VEPH1: variants seen among roughly 807,000 people sequenced by gnomAD.
VEPH1 encodes ventricular zone expressed PH domain containing 1.
Under a neutral mutation model 85.2 loss-of-function variants are expected in VEPH1, and 80 were observed. The observed-to-expected ratio is 0.94, with a 90% confidence interval of 0.78 to 1.13. The LOEUF (loss-of-function observed/expected upper bound fraction) is 1.13. VEPH1 is among the 50% of genes most tolerant of loss of function. The pLI, the probability that VEPH1 is intolerant of heterozygous loss-of-function variation, is 0.00. For synonymous variants in VEPH1, 297 were observed against 348.0 expected (o/e 0.85, Z 1.63); for missense variants, 955 against 980.5 (o/e 0.97, Z 0.35).
intron 2 of VEPH1, among the ~76,000 whole-genome samples, chr3:157,473,158 C>T (rs111981515): frequency 0.15 from 21,897 of 148,574 alleles, 2,084 homozygotes; most frequent in African/African-American, 0.25. Context: ...CTGCCACTTC[C>T]GCCTCTGGGG....
intron 1 of VEPH1, among the ~76,000 whole-genome samples, chr3:157,501,400 T>G (rs1002923610): frequency 2.6e-5 from 4 of 152,234 alleles, no homozygotes; most frequent in Non-Finnish European, 5.9e-5. Flanking sequence ...ACAATGTATC[T>G]CAAACTTTTT....
chr3:157,272,368 C>CTCTTTCTTTCTTTTCTTTCTTTCTTTCTT (rs1207336052), intron 12 of VEPH1, among the ~76,000 whole-genome samples: 2 of 119,918 alleles, frequency 1.7e-5, no homozygotes, highest in South Asian at 3.0e-4. Context: ...TTCTTTCTTT[C>CTCTTTCTTTCTTTTCTTTCTTTCTTTCTT]TCTTTCTTTT....
intron 9 of VEPH1, among the ~76,000 whole-genome samples, chr3:157,363,034 C>A (rs1250722294): frequency 6.6e-6 from 1 of 151,986 alleles, no homozygotes; most frequent in African/African-American, 2.4e-5. Context: ...AACCCCTACC[C>A]CAGAGCCGGC....
At chr3:157,377,231 G>C (rs746695757) in intron 7 of VEPH1, among the ~76,000 whole-genome samples, 1 of 151,830 alleles carries the variant, frequency 6.6e-6, no homozygotes, top group Non-Finnish European at 1.5e-5. Context: ...GGCAGTCGTG[G>C]TAGGAGGTGA....
chr3:157,297,911 A>G (rs1221485741), intron 11 of VEPH1, among the ~76,000 whole-genome samples: 3 of 152,182 alleles, frequency 2.0e-5, no homozygotes, highest in Non-Finnish European at 4.4e-5. Context: ...AAAAAGGTGC[A>G]ATGAAGTGTG....
At chr3:157,443,566 A>G (rs1253194443) in intron 4 of VEPH1, 2 of 152,664 alleles carry the variant, frequency 1.3e-5, no homozygotes, top group Non-Finnish European at 2.9e-5. Context: ...GCTCTACTGT[A>G]AATAAAATAT....
chr3:157,377,188 T>C (rs1728221072), intron 7 of VEPH1, among the ~76,000 whole-genome samples: 1 of 152,136 alleles, frequency 6.6e-6, no homozygotes, highest in East Asian at 1.9e-4. Flanking sequence ...AGAGAAGTAT[T>C]TTCAATTGAG....
At chr3:157,383,790 C>A (rs891200639) in intron 6 of VEPH1, among the ~76,000 whole-genome samples, 1 of 152,152 alleles carries the variant, frequency 6.6e-6, no homozygotes, top group Non-Finnish European at 1.5e-5. Context: ...AAATAAAAGA[C>A]CCCTGGAATA....
At chr3:157,373,745 C>G (rs78813517) in intron 7 of VEPH1, among the ~76,000 whole-genome samples, 1,650 of 152,294 alleles carry the variant, frequency 0.011, 33 homozygotes, top group East Asian at 0.043. Flanking sequence ...GGGAAGCCAG[C>G]GCATGGGTGC....
rs748940660 is a variant in VEPH1 at position 157,437,681 on chromosome 3, C to A, written c.530-9193G>T. 6 of 1,534,630 alleles carry A rather than the reference C, an allele frequency of 3.9e-6. No individual in the cohort carries two copies. The East Asian group carries it at 1.2e-4, about 31-fold the overall frequency. On this transcript the variant is annotated intron_variant, in intron 4 of 13. Transcript: ENST00000362010. Reference sequence around the variant, plus strand: ...CTGGGCCGGCTCGCGGAAAGCCTGGCGAGGCCGTGCGCGCCGGGGGCTCCC... The same window carrying A: ...CTGGGCCGGCTCGCGGAAAGCCTGGAGAGGCCGTGCGCGCCGGGGGCTCCC...
At chr3:157,321,875 TG>T in intron 9 of VEPH1, among the ~76,000 whole-genome samples, 1 of 152,302 alleles carries the variant, frequency 6.6e-6, no homozygotes, top group African/African-American at 2.4e-5. Flanking sequence ...GTGAGCTCCA[TG>T]AGGGTAATGA....
At chr3:157,323,843 A>C (rs1577340605) in intron 9 of VEPH1, among the ~76,000 whole-genome samples, 1 of 152,314 alleles carries the variant, frequency 6.6e-6, no homozygotes. Flanking sequence ...ACATATATAA[A>C]AGCATAAGAA....
chr3:157,261,798 G>T (rs1454444940), intron 13 of VEPH1, among the ~76,000 whole-genome samples: 1 of 152,108 alleles, frequency 6.6e-6, no homozygotes, highest in East Asian at 1.9e-4. Context: ...GAATAGAGAG[G>T]CTTCCAGTGT....
chr3:157,390,953 G>A (rs541908919), intron 6 of VEPH1, among the ~76,000 whole-genome samples: 165 of 152,330 alleles, frequency 1.1e-3, no homozygotes, highest in Middle Eastern at 3.4e-3. Context: ...AGATGCCAGC[G>A]CCCAAAGCGG....
intron 9 of VEPH1, among the ~76,000 whole-genome samples, chr3:157,338,853 G>T (rs1559971392): frequency 1.3e-5 from 2 of 152,218 alleles, no homozygotes; most frequent in Non-Finnish European, 2.9e-5. Context: ...GGGCAGACTT[G>T]TCCCTTGCTC....
chr3:157,493,603 A>G (rs911155656), intron 2 of VEPH1, among the ~76,000 whole-genome samples: 1 of 152,230 alleles, frequency 6.6e-6, no homozygotes, highest in Non-Finnish European at 1.5e-5. Context: ...TGAAGAAGAC[A>G]CACGAACTCC....
chr3:157,409,832 C>T, intron 6 of VEPH1: 1 of 985,396 alleles, frequency 1.0e-6, no homozygotes, highest in Non-Finnish European at 1.2e-6. Context: ...TCTCTACCCC[C>T]ATGGCCAAAT....
intron 4 of VEPH1, chr3:157,442,756 T>C: frequency 3.7e-6 from 6 of 1,614,244 alleles, no homozygotes; most frequent in Non-Finnish European, 5.1e-6. Flanking sequence ...GGAGGAATCC[T>C]GCAGATTGGC....
chr3:157,302,094 AT>A (rs1718871880), intron 11 of VEPH1, among the ~76,000 whole-genome samples: 1 of 146,308 alleles, frequency 6.8e-6, no homozygotes, highest in African/African-American at 2.7e-5. Context: ...ATCAGCTTTG[AT>A]TCCTCATTTC....
Sources: gnomAD v4.1 joint callset for allele counts (sites outside exome capture counted in the v4.1 genomes callset) on GRCh38, gnomAD v4.1.1 for gene constraint, MANE v1.5 for transcripts, NCBI Gene and HGNC (gene_info 2026-07-23, HGNC 2026-07-21) for gene names.